The following KLHL29 variants were observed in gnomAD, a reference collection of about 807,000 sequenced individuals.
The protein encoded by KLHL29 is kelch-like protein 29.
In KLHL29, 21 loss-of-function variants were observed where a neutral mutation model predicts 80.4. That is an observed-to-expected ratio of 0.26 (90% CI 0.19 to 0.38). KLHL29 has a LOEUF of 0.38. Among genes scored for constraint, KLHL29 ranks in the 10% least tolerant of loss-of-function variants. The probability of loss-of-function intolerance (pLI) is 1.00; values close to 1 mark genes in which losing one functional copy is unlikely to be tolerated. For synonymous variants in KLHL29, 511 were observed against 526.8 expected (o/e 0.97, Z 0.41); for missense variants, 867 against 1,223.9 (o/e 0.71, Z 4.35).
At position 23,680,658 on chromosome 2, in the gene KLHL29, A is replaced by ATCT. The variant is rs1671058459; in HGVS notation, c.941-3737_941-3735dup. Among the ~76,000 whole-genome samples the ATCT allele has an allele frequency of 6.6e-6, 1 of 151,630 alleles. No homozygotes were observed. Among genetic ancestry groups the ATCT allele is most frequent in the African/African-American group, 2.4e-5 (1 of 41,240 alleles). On this transcript the variant is annotated intron_variant, in intron 5 of 13. Transcript: ENST00000486442. The surrounding 1 kb of genome is among the most constrained non-coding windows in gnomAD (Gnocchi z 4.1). Reference sequence around the variant, plus strand: ...CATCTTCTCCTGGGGTCTCTAGGCCATCTTCTCCTGGGCTCTCTAGGCCAT... The same window carrying ATCT: ...CATCTTCTCCTGGGGTCTCTAGGCCATCTTCTTCTCCTGGGCTCTCTAGGCCAT...
intron 3 of KLHL29, among the ~76,000 whole-genome samples, chr2:23,574,519 G>A (rs1709320): frequency 0.83 from 126,702 of 152,102 alleles, 53,043 homozygotes; most frequent in East Asian, 1. Context: ...CAAAAGGTAG[G>A]TTAGAGGTTA....
At chr2:23,446,276 C>G (rs558600538) in intron 1 of KLHL29, among the ~76,000 whole-genome samples, 1 of 149,160 alleles carries the variant, frequency 6.7e-6, no homozygotes, top group African/African-American at 2.5e-5. Flanking sequence ...ATGCATCTTT[C>G]CCCCAAAGGT....
At chr2:23,615,171 CT>C (rs1668972885) in intron 3 of KLHL29, among the ~76,000 whole-genome samples, 1 of 152,242 alleles carries the variant, frequency 6.6e-6, no homozygotes. Context: ...GCCAGGCCTT[CT>C]CCTGGGCTTC....
chr2:23,504,618 C>T (rs901181813), intron 2 of KLHL29, among the ~76,000 whole-genome samples: 1 of 152,202 alleles, frequency 6.6e-6, no homozygotes, highest in South Asian at 2.1e-4. Flanking sequence ...AGTCATGGCT[C>T]CTGTTTGCAG....
In KLHL29 at chr2:23,385,204, C is replaced by T. The variant is rs1039089831; in HGVS notation, c.-730C>T. On this transcript the variant is annotated 5_prime_UTR_variant, in exon 1 of 14. Coordinates refer to ENST00000486442, the MANE Select transcript of KLHL29 (RefSeq NM_052920.2). ...AGACGGTACCCGGAGCGGAGCGAGCCAGAAGGGAGCATGGTCCCCGCGCCG... is the reference window on the plus strand; with the variant it reads ...AGACGGTACCCGGAGCGGAGCGAGCTAGAAGGGAGCATGGTCCCCGCGCCG... 19 of 149,070 alleles carry T rather than the reference C, an allele frequency of 1.3e-4. No homozygotes were observed. Among genetic ancestry groups the T allele is most frequent in the Non-Finnish European group, 2.4e-4 (16 of 66,654 alleles). 9.2% of individuals were successfully genotyped at this position (149,070 alleles called of 1,614,324 possible).
At chr2:23,644,081 C>G (rs1004137166) in intron 5 of KLHL29, 17 of 152,196 alleles carry the variant, frequency 1.1e-4, no homozygotes, top group African/African-American at 4.1e-4. Flanking sequence ...GTCTGGATCT[C>G]TGTTGGGTTT....
chr2:23,492,134 T>A (rs1665121594), intron 2 of KLHL29, among the ~76,000 whole-genome samples: 1 of 152,164 alleles, frequency 6.6e-6, no homozygotes, highest in Non-Finnish European at 1.5e-5. Context: ...GGAGGCCAAG[T>A]TCCAGACACC....
At chr2:23,541,146 C>T (rs1045974089) in intron 2 of KLHL29, among the ~76,000 whole-genome samples, 1 of 152,378 alleles carries the variant, frequency 6.6e-6, no homozygotes, top group African/African-American at 2.4e-5. Context: ...GGGAACCTTT[C>T]TCACTTTCTT....
chr2:23,584,737 A>C (rs1668074545), intron 3 of KLHL29, among the ~76,000 whole-genome samples: 1 of 151,982 alleles, frequency 6.6e-6, no homozygotes, highest in African/African-American at 2.4e-5. Flanking sequence ...TATTTTATTT[A>C]TTATTATTTC....
chr2:23,554,432 C>T (rs974702388), intron 2 of KLHL29, among the ~76,000 whole-genome samples: 2 of 152,192 alleles, frequency 1.3e-5, no homozygotes, highest in African/African-American at 2.4e-5. Flanking sequence ...GGAGACAGCG[C>T]GGGTCCCCTG....
At chr2:23,447,895 C>T (rs1254067296) in intron 1 of KLHL29, among the ~76,000 whole-genome samples, 2 of 152,034 alleles carry the variant, frequency 1.3e-5, no homozygotes, top group Non-Finnish European at 2.9e-5. Flanking sequence ...TGATATATGA[C>T]GTTTGTCATC....
At chr2:23,648,902 G>A (rs531086634) in intron 5 of KLHL29, among the ~76,000 whole-genome samples, 1 of 152,142 alleles carries the variant, frequency 6.6e-6, no homozygotes, top group African/African-American at 2.4e-5. Flanking sequence ...CTAGAAAAAG[G>A]GTGTCTCTAA....
At chr2:23,498,045 G>A (rs537532522) in intron 2 of KLHL29, among the ~76,000 whole-genome samples, 2 of 152,340 alleles carry the variant, frequency 1.3e-5, no homozygotes, top group East Asian at 3.9e-4. Flanking sequence ...TTATAGTTAA[G>A]TGACTTAACA....
chr2:23,529,664 G>A (rs2103476660), intron 2 of KLHL29, among the ~76,000 whole-genome samples: 1 of 152,296 alleles, frequency 6.6e-6, no homozygotes, highest in African/African-American at 2.4e-5. Flanking sequence ...GAGGGCAGGT[G>A]TGAGGGCTGT....
At chr2:23,489,756 G>A (rs1428958830) in intron 2 of KLHL29, among the ~76,000 whole-genome samples, 2 of 151,906 alleles carry the variant, frequency 1.3e-5, no homozygotes, top group Non-Finnish European at 2.9e-5. Flanking sequence ...CATGTGAACG[G>A]ATCAGCACCT....
At chr2:23,428,471 G>T (rs769186214) in intron 1 of KLHL29, among the ~76,000 whole-genome samples, 1 of 151,982 alleles carries the variant, frequency 6.6e-6, no homozygotes, top group Non-Finnish European at 1.5e-5. Context: ...TGGGTGTCCC[G>T]GTCTCAGCTC....
chr2:23,593,736 A>G (rs561065428), intron 3 of KLHL29, among the ~76,000 whole-genome samples: 5 of 152,296 alleles, frequency 3.3e-5, no homozygotes. Context: ...CACCTCGGAA[A>G]GCCCTCCCAG....
intron 1 of KLHL29, among the ~76,000 whole-genome samples, chr2:23,464,842 ATTAT>A (rs1394361082): frequency 6.6e-6 from 1 of 152,152 alleles, no homozygotes; most frequent in African/African-American, 2.4e-5. Flanking sequence ...TCTTCTCTTA[ATTAT>A]TATTACTCCA....
intron 2 of KLHL29, among the ~76,000 whole-genome samples, chr2:23,558,081 C>T (rs1315245194): frequency 6.6e-6 from 1 of 152,190 alleles, no homozygotes; most frequent in African/African-American, 2.4e-5. Context: ...AAGTGGTCTC[C>T]ATCACCTCCC....
Sources: allele counts gnomAD v4.1 joint callset (sites outside exome capture counted in the v4.1 genomes callset), GRCh38; gene constraint gnomAD v4.1.1; non-coding constraint Gnocchi (gnomAD v3.1); transcripts MANE v1.5; gene names NCBI Gene and HGNC (gene_info 2026-07-23, HGNC 2026-07-21).